The following CTNNA3 variants were observed in gnomAD, a reference collection of about 807,000 sequenced individuals.
CTNNA3 encodes the protein catenin alpha-3.
A neutral mutation model predicts 95.7 loss-of-function variants in CTNNA3; 76 were observed. That is an observed-to-expected ratio of 0.79 (90% confidence interval 0.66 to 0.96). CTNNA3 has a LOEUF of 0.96. Ranked by LOEUF, CTNNA3 falls within the 40% of genes least tolerant of loss-of-function variation. The probability of loss-of-function intolerance (pLI) is 0.00; values close to 1 mark genes in which losing one functional copy is unlikely to be tolerated. For synonymous variants in CTNNA3, 431 were observed against 374.4 expected, an observed-to-expected ratio of 1.15 and a Z score of -1.74; for missense variants, 1,191 against 1,089.8, an observed-to-expected ratio of 1.09 and a Z score of -1.31.
chr10:66,574,783 C>A (rs1842960327), intron 10 of CTNNA3, among the ~76,000 whole-genome samples: 1 of 152,096 alleles, frequency 6.6e-6, no homozygotes, highest in African/African-American at 2.4e-5. Flanking sequence ...GACAGAAATG[C>A]ACCGTATGGG....
intron 1 of CTNNA3, among the ~76,000 whole-genome samples, chr10:67,692,103 TCC>T: frequency 1.4e-5 from 2 of 140,142 alleles, no homozygotes; most frequent in African/African-American, 2.8e-5. Flanking sequence ...AGCTGCCCCC[TCC>T]GGGAGGGAGG....
intron 7 of CTNNA3, among the ~76,000 whole-genome samples, chr10:67,124,371 T>TGG (rs956206831): frequency 6.7e-6 from 1 of 149,436 alleles, no homozygotes; most frequent in African/African-American, 2.5e-5. Context: ...TGTGTGTGTG[T>TGG]GTGGTCTATA....
chr10:66,885,069 C>T (rs1844994678), intron 7 of CTNNA3, among the ~76,000 whole-genome samples: 2 of 152,086 alleles, frequency 1.3e-5, no homozygotes. Context: ...AATGCATCAT[C>T]CAAAGTCAAG....
At chr10:67,483,568 T>C (rs1254871442) in intron 5 of CTNNA3, among the ~76,000 whole-genome samples, 1 of 148,830 alleles carries the variant, frequency 6.7e-6, no homozygotes, top group African/African-American at 2.5e-5. Flanking sequence ...ATTGAACCCA[T>C]GGACACAGGA....
intron 1 of CTNNA3, among the ~76,000 whole-genome samples, chr10:67,727,588 TATATC>T (rs1841244516): frequency 7.8e-6 from 1 of 128,512 alleles, no homozygotes; most frequent in South Asian, 2.2e-4. Context: ...ATATATGATA[TATATC>T]ATATATCATA....
chr10:66,974,724 T>C (rs548693264), intron 7 of CTNNA3, among the ~76,000 whole-genome samples: 8 of 152,194 alleles, frequency 5.3e-5, no homozygotes, highest in Non-Finnish European at 1.2e-4. Flanking sequence ...CAGGAAGTTA[T>C]ATTCTCATTG....
chr10:66,621,288 T>G (rs1844737324), intron 10 of CTNNA3, among the ~76,000 whole-genome samples: 1 of 152,118 alleles, frequency 6.6e-6, no homozygotes, highest in African/African-American at 2.4e-5. Flanking sequence ...TCTACTCTCT[T>G]TTTAAGAATC....
At chr10:66,669,416 G>A (rs1015411894) in intron 9 of CTNNA3, among the ~76,000 whole-genome samples, 2 of 151,956 alleles carry the variant, frequency 1.3e-5, no homozygotes, top group African/African-American at 4.8e-5. Context: ...GGTGGCATGT[G>A]CCTGTAGTCC....
intron 7 of CTNNA3, among the ~76,000 whole-genome samples, chr10:67,111,069 A>T (rs532610049): frequency 9.2e-5 from 14 of 152,270 alleles, no homozygotes; most frequent in African/African-American, 2.6e-4. Flanking sequence ...AGGGAGAATA[A>T]TATATTACTC....
intron 13 of CTNNA3, among the ~76,000 whole-genome samples, chr10:66,222,588 AAAAGAAAGAACG>A (rs1206129884): frequency 4.5e-4 from 57 of 127,792 alleles, no homozygotes; most frequent in African/African-American, 1.4e-3. Context: ...GAAGGAAAGA[AAAAGAAAGAACG>A]AAAGAAAGAA....
At chr10:66,190,656 A>C (rs2086619657) in intron 13 of CTNNA3, among the ~76,000 whole-genome samples, 1 of 152,004 alleles carries the variant, frequency 6.6e-6, no homozygotes, top group Admixed American at 6.6e-5. Flanking sequence ...CTTGTCCCTT[A>C]TGCATGTTTC....
chr10:66,442,696 A>G (rs1477181995), intron 11 of CTNNA3, among the ~76,000 whole-genome samples: 2 of 152,218 alleles, frequency 1.3e-5, no homozygotes, highest in East Asian at 3.9e-4. Flanking sequence ...ATGGCCGAAT[A>G]GGAACAGCTC....
intron 11 of CTNNA3, among the ~76,000 whole-genome samples, chr10:66,481,262 GT>G (rs1475255112): frequency 6.6e-5 from 10 of 151,954 alleles, no homozygotes; most frequent in Non-Finnish European, 1.2e-4. Flanking sequence ...ACACTTTACA[GT>G]TTTTTAATGC....
At chr10:66,522,063 A>T (rs893899332) in intron 10 of CTNNA3, among the ~76,000 whole-genome samples, 1 of 152,084 alleles carries the variant, frequency 6.6e-6, no homozygotes, top group Non-Finnish European at 1.5e-5. Flanking sequence ...GCTATTAATC[A>T]TTGGTTTCCT....
chr10:67,084,289 T>TA (rs917173229), intron 7 of CTNNA3, among the ~76,000 whole-genome samples: 9 of 152,084 alleles, frequency 5.9e-5, no homozygotes, highest in African/African-American at 2.2e-4. Flanking sequence ...CACAAATACT[T>TA]ACAGAGAAGG....
intron 5 of CTNNA3, among the ~76,000 whole-genome samples, chr10:67,515,059 A>C: frequency 6.6e-6 from 1 of 152,232 alleles, no homozygotes; most frequent in East Asian, 1.9e-4. Context: ...GAAGACACTT[A>C]GTTATCATGA....
At chr10:65,985,043 T>C (rs998966208) in intron 16 of CTNNA3, among the ~76,000 whole-genome samples, 2 of 151,166 alleles carry the variant, frequency 1.3e-5, no homozygotes, top group Admixed American at 6.6e-5. Context: ...AAAAGACATA[T>C]GTTCTTTATT....
intron 5 of CTNNA3, among the ~76,000 whole-genome samples, chr10:67,286,348 G>T (rs1047909456): frequency 6.6e-6 from 1 of 152,198 alleles, no homozygotes; most frequent in Non-Finnish European, 1.5e-5. Flanking sequence ...ATGTGCTTTA[G>T]AGCCTGGAGC....
intron 9 of CTNNA3, among the ~76,000 whole-genome samples, chr10:66,737,947 G>A (rs1301588381): frequency 6.6e-6 from 1 of 152,086 alleles, no homozygotes; most frequent in Non-Finnish European, 1.5e-5. Flanking sequence ...ATGAGCCATC[G>A]CGCCCGGCCA....
Sources: gnomAD v4.1 joint callset for allele counts (sites outside exome capture counted in the v4.1 genomes callset) on GRCh38, gnomAD v4.1.1 for gene constraint, MANE v1.5 for transcripts, NCBI Gene and HGNC (gene_info 2026-07-23, HGNC 2026-07-21) for gene names.